MUSK: variants seen among roughly 807,000 people sequenced by gnomAD.
The protein encoded by MUSK is muscle, skeletal receptor tyrosine-protein kinase.
A neutral mutation model predicts 88.7 loss-of-function variants in MUSK; 55 were observed. That is an observed-to-expected ratio of 0.62 (90% CI 0.50 to 0.78). MUSK has a LOEUF of 0.78. Among genes scored for constraint, MUSK ranks in the 30% least tolerant of loss-of-function variants. The probability of loss-of-function intolerance (pLI) is 0.00; values close to 1 mark genes in which losing one functional copy is unlikely to be tolerated. For synonymous variants in MUSK, 387 were observed against 391.9 expected (o/e 0.99, Z 0.15); for missense variants, 1,015 against 1,074.3 (o/e 0.94, Z 0.77).
intron 7 of MUSK, among the ~76,000 whole-genome samples, chr9:110,749,777 G>A (rs2131883835): frequency 6.6e-6 from 1 of 152,054 alleles, no homozygotes. Flanking sequence ...AATAAGGTTT[G>A]CAAATGCTTG....
chr9:110,697,254 G>C (rs897695611), intron 4 of MUSK, 71 bp from the exon 5 acceptor site: 3 of 1,502,204 alleles, frequency 2.0e-6, no homozygotes, highest in Admixed American at 1.7e-5. Flanking sequence ...ACAATAAGTT[G>C]ATGATATTTG....
In MUSK at chr9:110,805,201, A is replaced by G. The variant is rs1257947079; in HGVS notation, c.*4213A>G. The stretch of plus-strand genomic sequence containing the variant: ...AGTGATTTCTTTAGCTATAACTCCT[A>G]GAAGTGAAATTTCTAGATTAAAGGA... On this transcript the variant is annotated 3_prime_UTR_variant, in exon 15 of 15. Transcript: ENST00000374448. Among the ~76,000 whole-genome samples the G allele has an allele frequency of 6.6e-6, 1 of 151,956 alleles. No homozygotes were observed. The highest frequency in any genetic ancestry group is 1.5e-5 in the Non-Finnish European group (1 of 67,852).
chr9:110,677,848 C>A lies in MUSK; in HGVS notation c.80-4826C>A, dbSNP rs768024381. Among the ~76,000 whole-genome samples the A allele has an allele frequency of 3.0e-4, 46 of 152,106 alleles. 1 individual carries two copies. The highest frequency in any genetic ancestry group is 7.9e-4 in the Admixed American group (12 of 15,276). ...GAATGGATAGTTAACTCTGTTACTG[C>A]CTTTTTGACTGTGATAGGTATCTTT... On this transcript the variant is annotated intron_variant, in intron 1 of 14. Transcript: ENST00000374448.
chr9:110,755,862 T>C (rs2077303784), intron 7 of MUSK, among the ~76,000 whole-genome samples: 1 of 149,832 alleles, frequency 6.7e-6, no homozygotes, highest in Non-Finnish European at 1.5e-5. Context: ...TTGTTATTGC[T>C]TCTCTGACTA....
At chr9:110,757,468 A>G (rs922123316) in intron 7 of MUSK, among the ~76,000 whole-genome samples, 65 of 151,712 alleles carry the variant, frequency 4.3e-4, no homozygotes, top group Non-Finnish European at 6.9e-4. Flanking sequence ...TGAAAAAAAA[A>G]AAAAAGAAAA....
chr9:110,730,807 C>G (rs1042121496), intron 5 of MUSK, among the ~76,000 whole-genome samples: 1 of 151,986 alleles, frequency 6.6e-6, no homozygotes, highest in African/African-American at 2.4e-5. Flanking sequence ...AGCTTTATTG[C>G]TGATAAGGCT....
intron 7 of MUSK, among the ~76,000 whole-genome samples, chr9:110,754,937 C>G (rs1303941462): frequency 1.3e-5 from 2 of 152,180 alleles, no homozygotes; most frequent in South Asian, 4.1e-4. Flanking sequence ...TAAATTCTCT[C>G]TAATTTATAA....
chr9:110,758,949 C>T (rs558065565), intron 7 of MUSK, among the ~76,000 whole-genome samples: 17 of 152,224 alleles, frequency 1.1e-4, no homozygotes, highest in Non-Finnish European at 1.8e-4. Context: ...AAACAACCAA[C>T]GACATTCTTC....
intron 2 of MUSK, among the ~76,000 whole-genome samples, chr9:110,684,788 A>G (rs1447349149): frequency 6.6e-6 from 1 of 152,088 alleles, no homozygotes; most frequent in Non-Finnish European, 1.5e-5. Context: ...CATTGTTGGT[A>G]TATACAAATG....
intron 7 of MUSK, among the ~76,000 whole-genome samples, chr9:110,758,576 C>G (rs2077357980): frequency 6.6e-6 from 1 of 152,148 alleles, no homozygotes; most frequent in African/African-American, 2.4e-5. Context: ...CCATAGCAAT[C>G]AGATAAGGGA....
At chr9:110,739,842 C>T (rs895126855) in intron 6 of MUSK, among the ~76,000 whole-genome samples, 5 of 152,220 alleles carry the variant, frequency 3.3e-5, no homozygotes, top group Non-Finnish European at 7.4e-5. Flanking sequence ...GCTGAACAAC[C>T]CAAACCTTTA....
At chr9:110,757,948 G>C (rs1940244) in intron 7 of MUSK, among the ~76,000 whole-genome samples, 93,087 of 151,976 alleles carry the variant, frequency 0.61, 28,942 homozygotes, top group Non-Finnish European at 0.64. Flanking sequence ...ATCAAGAGAT[G>C]TAATTGATAA....
At position 110,803,300 on chromosome 9, in the gene MUSK, A is replaced by G. The variant is rs2078120335; in HGVS notation, c.*2312A>G. ...TTGGTACTATCATTATATACATTTT[A>G]GTTTTGCTTTGTTTTGTTTTGTTTT... On this transcript the variant is annotated 3_prime_UTR_variant, in exon 15 of 15. Transcript: ENST00000374448. Among the ~76,000 whole-genome samples the G allele has an allele frequency of 6.6e-6, 1 of 152,174 alleles. No individual in the cohort carries two copies. The highest frequency in any genetic ancestry group is 1.5e-5 in the Non-Finnish European group (1 of 68,026).
chr9:110,763,760 C>T (rs999683112), intron 8 of MUSK, among the ~76,000 whole-genome samples: 1 of 152,120 alleles, frequency 6.6e-6, no homozygotes, highest in Non-Finnish European at 1.5e-5. Flanking sequence ...TGTCATAACA[C>T]AAACATGCCA....
chr9:110,756,963 G>GA (rs1246651789), intron 7 of MUSK, among the ~76,000 whole-genome samples: 4 of 151,974 alleles, frequency 2.6e-5, no homozygotes, highest in African/African-American at 9.7e-5. Context: ...ACTACTGGTG[G>GA]AAAAAATAAA....
chr9:110,764,321 G>A (rs1054872721), intron 8 of MUSK, among the ~76,000 whole-genome samples: 7 of 152,184 alleles, frequency 4.6e-5, no homozygotes, highest in Non-Finnish European at 8.8e-5. Flanking sequence ...AAAGACAACA[G>A]AAGACACCAA....
At chr9:110,758,585 G>T (rs1207911470) in intron 7 of MUSK, among the ~76,000 whole-genome samples, 1 of 152,142 alleles carries the variant, frequency 6.6e-6, no homozygotes, top group African/African-American at 2.4e-5. Flanking sequence ...TCAGATAAGG[G>T]AAAGAAGTAA....
chr9:110,687,220 G>A lies in MUSK; in HGVS notation c.310G>A (p.Gly104Ser), dbSNP rs1276383503. ...DGIYCCTANN[G>S]VGGAVESCGA... ...CATTTACTGCTGCACGGCCAACAATGGTGTGGGAGGAGCTGTGGAGAGTTG... is the reference window on the plus strand; with the variant it reads ...CATTTACTGCTGCACGGCCAACAATAGTGTGGGAGGAGCTGTGGAGAGTTG... Residue 104 changes from glycine (G) to serine (S), a missense_variant, in exon 3 of 15, where the codon GGT (glycine) becomes AGT (serine). Physicochemically the swap from Gly to Ser is moderately conservative, Grantham distance 56. Coordinates refer to ENST00000374448, the MANE Select transcript of MUSK (RefSeq NM_005592.4). 1.2e-6 allele frequency: 2 copies of A among 1,613,926 alleles called. No homozygotes were observed. The highest frequency in any genetic ancestry group is 2.2e-5 in the East Asian group (1 of 44,876).
At position 110,805,638 on chromosome 9, in the gene MUSK, C is replaced by T. The variant is rs750118337; in HGVS notation, c.*4650C>T. ...ATTTGTCTTTTATTGTAGGTTTTATCAATCAGAAAAGAATGTTGACTTTTC... is the reference window on the plus strand; with the variant it reads ...ATTTGTCTTTTATTGTAGGTTTTATTAATCAGAAAAGAATGTTGACTTTTC... On this transcript the variant is annotated 3_prime_UTR_variant, in exon 15 of 15. Coordinates refer to ENST00000374448, the MANE Select transcript of MUSK (RefSeq NM_005592.4). Among the ~76,000 whole-genome samples, 1 of 151,912 alleles carries T rather than the reference C, an allele frequency of 6.6e-6. No homozygotes were observed. The highest frequency in any genetic ancestry group is 6.6e-5 in the Admixed American group (1 of 15,254).
Sources: allele counts gnomAD v4.1 joint callset (sites outside exome capture counted in the v4.1 genomes callset), GRCh38; gene constraint gnomAD v4.1.1; transcripts MANE v1.5; gene names NCBI Gene and HGNC (gene_info 2026-07-23, HGNC 2026-07-21).